Variants in CASQ2 observed in about 807,000 individuals in gnomAD.
The protein encoded by CASQ2 is calsequestrin-2.
A neutral mutation model predicts 46.5 loss-of-function variants in CASQ2; 49 were observed. The observed-to-expected ratio is 1.05, with a 90% CI of 0.84 to 1.34. The LOEUF (loss-of-function observed/expected upper bound fraction) is 1.34. Ranked by LOEUF, CASQ2 falls within the 40% of genes most tolerant of loss-of-function variation. The probability of loss-of-function intolerance (pLI) is 0.00; values close to 1 mark genes in which losing one functional copy is unlikely to be tolerated. For missense variants in CASQ2, 486 were observed against 481.3 expected (o/e 1.01, Z -0.09); for synonymous variants, 174 against 168.5 (o/e 1.03, Z -0.25).
At chr1:115,710,141 G>T in intron 8 of CASQ2, among the ~76,000 whole-genome samples, 1 of 152,188 alleles carries the variant, frequency 6.6e-6, no homozygotes, top group East Asian at 1.9e-4. Context: ...ACCATGCCCA[G>T]CCAGGACACA....
chr1:115,717,674 C>T (rs756416002), intron 8 of CASQ2, among the ~76,000 whole-genome samples, 166 bp downstream of exon 8: 35 of 152,352 alleles, frequency 2.3e-4, no homozygotes, highest in Admixed American at 9.1e-4. Context: ...TAGCCGTGTG[C>T]ACAATTGAAA....
At chr1:115,731,071 A>T (rs1647765463) in intron 5 of CASQ2, among the ~76,000 whole-genome samples, 1 of 152,198 alleles carries the variant, frequency 6.6e-6, no homozygotes, top group African/African-American at 2.4e-5. Flanking sequence ...GAGTCCTCTC[A>T]GTGCTCTCCC....
intron 1 of CASQ2, among the ~76,000 whole-genome samples, chr1:115,767,605 A>G (rs1227040454): frequency 6.6e-6 from 1 of 152,176 alleles, no homozygotes; most frequent in Admixed American, 6.5e-5. Flanking sequence ...CTGCAGGAAT[A>G]GTTTCTGGGG....
chr1:115,767,797 A>G (rs1384456815), intron 1 of CASQ2, among the ~76,000 whole-genome samples: 1 of 152,202 alleles, frequency 6.6e-6, no homozygotes, highest in Non-Finnish European at 1.5e-5. Flanking sequence ...TACATTCTGT[A>G]ATGCTGACTG....
At chr1:115,722,294 A>G (rs187756784) in intron 7 of CASQ2, among the ~76,000 whole-genome samples, 1 of 152,366 alleles carries the variant, frequency 6.6e-6, no homozygotes, top group East Asian at 1.9e-4. Context: ...ATAATGTGGA[A>G]AATATGAGCC....
At chr1:115,756,909 C>T (rs532067995) in intron 1 of CASQ2, among the ~76,000 whole-genome samples, 50 of 152,134 alleles carry the variant, frequency 3.3e-4, no homozygotes, top group Non-Finnish European at 6.6e-4. Context: ...ATTGTGCCAC[C>T]GCACTCCAGC....
At chr1:115,702,172 T>G (rs1654224586) in intron 10 of CASQ2, among the ~76,000 whole-genome samples, 1 of 152,268 alleles carries the variant, frequency 6.6e-6, no homozygotes, top group East Asian at 1.9e-4. Flanking sequence ...TCCACCCATC[T>G]CAGCCTCCCA....
intron 1 of CASQ2, among the ~76,000 whole-genome samples, chr1:115,767,487 C>A (rs929194355): frequency 6.6e-6 from 1 of 152,116 alleles, no homozygotes; most frequent in Non-Finnish European, 1.5e-5. Context: ...CACAGGTTTG[C>A]GCCTGGGCTA....
At chr1:115,739,307 G>A (rs1466788096) in intron 3 of CASQ2, among the ~76,000 whole-genome samples, 73 of 151,316 alleles carry the variant, frequency 4.8e-4, no homozygotes, top group Middle Eastern at 3.4e-3. Context: ...AGTAGAGATG[G>A]GGTTTCACCG....
rs180937652 is a variant in CASQ2, at chr1:115,702,180, C to G, written c.1014+741G>C. On this transcript the variant is annotated intron_variant, in intron 10 of 10. Transcript: ENST00000261448. ...CAGGTGATCCACCCATCTCAGCCTC[C>G]CAAAGTGCTGGGATTACAGGCATGA... Among the ~76,000 whole-genome samples, 256 of 151,972 alleles carry G rather than the reference C, an allele frequency of 1.7e-3. 1 individual carries two copies. The highest frequency in any genetic ancestry group is 3.7e-3 in the Admixed American group (56 of 15,274).
chr1:115,702,987 G>A lies in CASQ2; in HGVS notation c.948C>T (p.Ala316=), dbSNP rs1176729823. The change falls in exon 10 of 11, where the codon GCC becomes GCT. Residue 316 remains alanine (A), a synonymous_variant. Coordinates refer to ENST00000261448, the MANE Select transcript of CASQ2 (RefSeq NM_001232.4). ...CAATCTTGAAAGTCTTCTCCCAGTA[G>A]GCAACGAGCTGCAGCAACAAAAAAA... ...IDPDDFPLLV[A]YWEKTFKIDL... The A allele has an allele frequency of 6.2e-7, 1 of 1,612,974 alleles. No homozygotes were observed. Among genetic ancestry groups the A allele is most frequent in the Non-Finnish European group, 8.5e-7 (1 of 1,179,538 alleles).
At chr1:115,758,313 G>C (rs995552831) in intron 1 of CASQ2, among the ~76,000 whole-genome samples, 1 of 152,186 alleles carries the variant, frequency 6.6e-6, no homozygotes, top group Non-Finnish European at 1.5e-5. Context: ...CCCCATATTG[G>C]CATGGTTTAT....
chr1:115,736,955 G>A (rs1018528867), intron 4 of CASQ2, among the ~76,000 whole-genome samples: 5 of 152,130 alleles, frequency 3.3e-5, no homozygotes, highest in Non-Finnish European at 5.9e-5. Flanking sequence ...TCGTCTAGGC[G>A]GGGGAAGACG....
At chr1:115,707,373 G>A (rs1464765023) in intron 8 of CASQ2, among the ~76,000 whole-genome samples, 7 of 152,168 alleles carry the variant, frequency 4.6e-5, no homozygotes, top group African/African-American at 1.4e-4. Flanking sequence ...GAAATACAGA[G>A]TGGACCTCGG....
At chr1:115,727,359 G>T (rs2101079544) in intron 5 of CASQ2, among the ~76,000 whole-genome samples, 1 of 152,282 alleles carries the variant, frequency 6.6e-6, no homozygotes, top group Non-Finnish European at 1.5e-5. Flanking sequence ...GCAAATGAGG[G>T]TCGGGCAGGG....
chr1:115,765,982 T>C (rs1379845025), intron 1 of CASQ2, among the ~76,000 whole-genome samples: 2 of 152,250 alleles, frequency 1.3e-5, no homozygotes, highest in Non-Finnish European at 2.9e-5. Flanking sequence ...ACTCATGGAC[T>C]TCCCGGAGCC....
chr1:115,733,094 A>T, intron 4 of CASQ2, 120 bp from the exon 5 acceptor site: 1 of 685,100 alleles, frequency 1.5e-6, no homozygotes, highest in Non-Finnish European at 2.6e-6. Flanking sequence ...ATAATTTAGT[A>T]GGTATTGTTT....
At chr1:115,749,692 A>G (rs1194596270) in intron 1 of CASQ2, among the ~76,000 whole-genome samples, 1 of 152,202 alleles carries the variant, frequency 6.6e-6, no homozygotes, top group Admixed American at 6.5e-5. Flanking sequence ...GTGATTCCTG[A>G]CATGGCAGCC....
At chr1:115,716,819 C>T (rs917708932) in intron 8 of CASQ2, among the ~76,000 whole-genome samples, 2 of 152,190 alleles carry the variant, frequency 1.3e-5, no homozygotes, top group Non-Finnish European at 2.9e-5. Flanking sequence ...TGTCACAAGA[C>T]TTGTTGTCCC....
Sources: gnomAD v4.1 joint callset for allele counts (sites outside exome capture counted in the v4.1 genomes callset) on GRCh38, gnomAD v4.1.1 for gene constraint, MANE v1.5 for transcripts, NCBI Gene and HGNC (gene_info 2026-07-23, HGNC 2026-07-21) for gene names.